KCNH8: variants seen among roughly 807,000 people sequenced by gnomAD.
The protein encoded by KCNH8 is voltage-gated delayed rectifier potassium channel KCNH8.
A neutral mutation model predicts 103.6 loss-of-function variants in KCNH8; 70 were observed. That is an observed-to-expected ratio of 0.68 (90% confidence interval 0.56 to 0.82). The LOEUF is 0.82. KCNH8 is among the 40% of genes least tolerant of loss of function. KCNH8 has a pLI of 0.00. For synonymous variants in KCNH8, 498 were observed against 489.4 expected, an observed-to-expected ratio of 1.02 and a Z score of -0.23; for missense variants, 1,217 against 1,329.9, an observed-to-expected ratio of 0.92 and a Z score of 1.32.
intron 11 of KCNH8, among the ~76,000 whole-genome samples, chr3:19,470,948 G>A (rs2067843692): frequency 6.6e-6 from 1 of 152,164 alleles, no homozygotes; most frequent in African/African-American, 2.4e-5. Flanking sequence ...TCTCTCCTGT[G>A]TGGCCTCTTG....
At chr3:19,216,781 C>G (rs959891405) in intron 1 of KCNH8, among the ~76,000 whole-genome samples, 2 of 152,184 alleles carry the variant, frequency 1.3e-5, no homozygotes, top group Admixed American at 1.3e-4. Context: ...AGTTAGAGCA[C>G]TGTTCTCAAG....
At chr3:19,330,239 A>G (rs1458969279) in intron 3 of KCNH8, among the ~76,000 whole-genome samples, 1 of 152,158 alleles carries the variant, frequency 6.6e-6, no homozygotes, top group Non-Finnish European at 1.5e-5. Flanking sequence ...TTCTAGGCTC[A>G]GACCAGAGGC....
chr3:19,287,863 C>A (rs147578733), intron 3 of KCNH8, among the ~76,000 whole-genome samples: 2 of 152,136 alleles, frequency 1.3e-5, no homozygotes, highest in Non-Finnish European at 2.9e-5. Flanking sequence ...GGATTACAGG[C>A]GTAAGCCACC....
chr3:19,251,396 G>C (rs575066363), intron 1 of KCNH8, among the ~76,000 whole-genome samples: 1 of 152,088 alleles, frequency 6.6e-6, no homozygotes, highest in Non-Finnish European at 1.5e-5. Context: ...GCTTTCAGAG[G>C]GGGAGAGTGG....
At chr3:19,165,250 A>C (rs908867971) in intron 1 of KCNH8, among the ~76,000 whole-genome samples, 7 of 152,214 alleles carry the variant, frequency 4.6e-5, no homozygotes, top group African/African-American at 1.7e-4. Flanking sequence ...AAGTAATGGC[A>C]AAAACAGCAA....
At chr3:19,383,405 C>G (rs62279503) in intron 5 of KCNH8, among the ~76,000 whole-genome samples, 5 of 150,306 alleles carry the variant, frequency 3.3e-5, no homozygotes, top group African/African-American at 1.2e-4. Flanking sequence ...AGACTGGAAT[C>G]TCACTCTGTC....
intron 7 of KCNH8, among the ~76,000 whole-genome samples, chr3:19,413,643 GGA>G (rs901142758): frequency 5.3e-5 from 8 of 152,016 alleles, no homozygotes; most frequent in Admixed American, 2.0e-4. Flanking sequence ...GACAAGCCAA[GGA>G]GAGAGGCTTT....
chr3:19,227,375 C>T (rs1559431744), intron 1 of KCNH8, among the ~76,000 whole-genome samples: 2 of 152,196 alleles, frequency 1.3e-5, no homozygotes, highest in Non-Finnish European at 2.9e-5. Flanking sequence ...AGATAGTATA[C>T]ATGACACTTT....
chr3:19,394,552 A>G (rs1339415231), intron 6 of KCNH8, among the ~76,000 whole-genome samples: 1 of 152,020 alleles, frequency 6.6e-6, no homozygotes, highest in Non-Finnish European at 1.5e-5. Flanking sequence ...TAACGTTGGA[A>G]GTATAGTACA....
chr3:19,165,042 A>G (rs2063269066), intron 1 of KCNH8, among the ~76,000 whole-genome samples: 1 of 151,986 alleles, frequency 6.6e-6, no homozygotes. Context: ...ACATGAAGAA[A>G]CTTTTGGGGG....
chr3:19,270,430 A>G (rs996023050), intron 2 of KCNH8, among the ~76,000 whole-genome samples: 2 of 152,150 alleles, frequency 1.3e-5, no homozygotes, highest in South Asian at 2.1e-4. Flanking sequence ...ATCATATGGG[A>G]AAATGTTTTG....
chr3:19,266,670 C>T (rs75925946), intron 2 of KCNH8, among the ~76,000 whole-genome samples: 2,552 of 152,114 alleles, frequency 0.017, 78 homozygotes, highest in African/African-American at 0.058. Context: ...GCTGAATGGG[C>T]GAATGAATAA....
intron 3 of KCNH8, among the ~76,000 whole-genome samples, chr3:19,320,330 C>T (rs1236493885): frequency 1.3e-5 from 2 of 151,930 alleles, no homozygotes; most frequent in Non-Finnish European, 2.9e-5. Flanking sequence ...TAAGGTATGA[C>T]CCTTCTGTGC....
intron 1 of KCNH8, among the ~76,000 whole-genome samples, chr3:19,231,795 T>C (rs2063997605): frequency 6.6e-6 from 1 of 152,252 alleles, no homozygotes; most frequent in Admixed American, 6.5e-5. Flanking sequence ...GGTCTGATTC[T>C]GTGAATGCTA....
At chr3:19,254,087 G>C (rs1395460194) in intron 2 of KCNH8, among the ~76,000 whole-genome samples, 200 bp downstream of exon 2, 2 of 151,814 alleles carry the variant, frequency 1.3e-5, no homozygotes, top group Non-Finnish European at 2.9e-5. Flanking sequence ...TTTTGAATTA[G>C]AATTATAACT....
chr3:19,378,387 T>G (rs569789836), intron 5 of KCNH8, among the ~76,000 whole-genome samples: 40 of 152,220 alleles, frequency 2.6e-4, no homozygotes, highest in African/African-American at 9.2e-4. Context: ...TACAATAGAG[T>G]TGCATTACAG....
intron 7 of KCNH8, among the ~76,000 whole-genome samples, chr3:19,431,810 C>T (rs903236401): frequency 3.3e-5 from 5 of 152,074 alleles, no homozygotes; most frequent in Non-Finnish European, 7.4e-5. Context: ...AACATTCTCT[C>T]ATGGTTCTTT....
At chr3:19,517,689 CAAAGA>C (rs1294429726) in intron 14 of KCNH8, among the ~76,000 whole-genome samples, 3 of 151,828 alleles carry the variant, frequency 2.0e-5, no homozygotes, top group African/African-American at 4.8e-5. Context: ...AAACAATGGT[CAAAGA>C]AAAGAAAATG....
At chr3:19,424,131 A>G (rs959850069) in intron 7 of KCNH8, among the ~76,000 whole-genome samples, 4 of 152,294 alleles carry the variant, frequency 2.6e-5, no homozygotes, top group Middle Eastern at 3.4e-3. Flanking sequence ...ATATGGAACC[A>G]AAAAGTTTCC....
Sources: allele counts gnomAD v4.1 joint callset (sites outside exome capture counted in the v4.1 genomes callset), GRCh38; gene constraint gnomAD v4.1.1; transcripts MANE v1.5; gene names NCBI Gene and HGNC (gene_info 2026-07-23, HGNC 2026-07-21).